Variants in DNAH9 observed in about 807,000 individuals in gnomAD.
DNAH9 encodes the protein DNAH9 variant protein.
A neutral mutation model predicts 471.6 loss-of-function variants in DNAH9; 345 were observed. That is an observed-to-expected ratio of 0.73 (90% CI 0.67 to 0.80). The LOEUF is 0.80. DNAH9 is among the 30% of genes least tolerant of loss of function. The probability of loss-of-function intolerance (pLI) is 0.00; values close to 1 mark genes in which losing one functional copy is unlikely to be tolerated. For synonymous variants in DNAH9, 2,093 were observed against 2,123.6 expected, an observed-to-expected ratio of 0.99 and a Z score of 0.40; for missense variants, 5,407 against 5,609.2, an observed-to-expected ratio of 0.96 and a Z score of 1.15.
chr17:11,763,309 G>GT (rs1268199350), intron 35 of DNAH9, 131 bp from the exon 36 acceptor site: 5 of 772,144 alleles, frequency 6.5e-6, no homozygotes, highest in Non-Finnish European at 1.1e-5. Context: ...TGGCGCTCTG[G>GT]TTGTCTGTAA....
chr17:11,799,796 G>T (rs901824244), intron 43 of DNAH9, among the ~76,000 whole-genome samples: 1 of 152,116 alleles, frequency 6.6e-6, no homozygotes, highest in African/African-American at 2.4e-5. Flanking sequence ...TGTTGGCCAG[G>T]CTGGTCTCAA....
intron 40 of DNAH9, among the ~76,000 whole-genome samples, chr17:11,783,997 G>C (rs947457094): frequency 6.6e-6 from 1 of 152,088 alleles, no homozygotes; most frequent in African/African-American, 2.4e-5. Context: ...TCAGAGAGAT[G>C]AATGACTTTC....
chr17:11,874,901 A>G, intron 52 of DNAH9, 48 bp from the exon 53 acceptor site: 5 of 1,389,138 alleles, frequency 3.6e-6, no homozygotes, highest in Non-Finnish European at 5.1e-6. Context: ...CCCAGCTGAG[A>G]ATGTCTGCTT....
intron 66 of DNAH9, among the ~76,000 whole-genome samples, chr17:11,939,818 G>GGATGGATGGATA (rs755610335): frequency 1.6e-3 from 235 of 151,596 alleles, no homozygotes; most frequent in Middle Eastern, 6.8e-3. Flanking sequence ...ATGGATGGAT[G>GGATGGATGGATA]GATGGATGGA....
intron 17 of DNAH9, among the ~76,000 whole-genome samples, chr17:11,675,513 C>T (rs1361433151): frequency 6.6e-6 from 1 of 152,104 alleles, no homozygotes; most frequent in Non-Finnish European, 1.5e-5. Flanking sequence ...TTTGTCTTGT[C>T]TCTGATCTTA....
chr17:11,960,689 G>A (rs146804695), intron 67 of DNAH9, among the ~76,000 whole-genome samples: 6 of 151,678 alleles, frequency 4.0e-5, no homozygotes, highest in Non-Finnish European at 8.8e-5. Context: ...AACCCGGGAG[G>A]CGGAGGTTGC....
chr17:11,733,725 G>T (rs988644483), intron 28 of DNAH9, among the ~76,000 whole-genome samples: 1 of 152,018 alleles, frequency 6.6e-6, no homozygotes, highest in East Asian at 1.9e-4. Context: ...AGGCATGGTG[G>T]TGGGAGCCTG....
At chr17:11,697,779 A>G (rs1051288557) in intron 22 of DNAH9, among the ~76,000 whole-genome samples, 1 of 151,798 alleles carries the variant, frequency 6.6e-6, no homozygotes, top group Non-Finnish European at 1.5e-5. Context: ...CTTCCACCAT[A>G]TTTAATTTTT....
chr17:11,799,437 G>A (rs1249168863), intron 43 of DNAH9, among the ~76,000 whole-genome samples: 1 of 152,146 alleles, frequency 6.6e-6, no homozygotes, highest in Non-Finnish European at 1.5e-5. Flanking sequence ...CGTGATCTCA[G>A]CTCCTTGCAA....
chr17:11,942,768 A>G (rs942291571), intron 67 of DNAH9, among the ~76,000 whole-genome samples: 1 of 152,182 alleles, frequency 6.6e-6, no homozygotes, highest in Non-Finnish European at 1.5e-5. Context: ...TCACCTTGAG[A>G]TGATGTAAAG....
chr17:11,667,731 G>C (rs1341421292), intron 15 of DNAH9, among the ~76,000 whole-genome samples: 1 of 152,180 alleles, frequency 6.6e-6, no homozygotes, highest in African/African-American at 2.4e-5. Flanking sequence ...GCCATGTCCA[G>C]GCTCTAGTCT....
At chr17:11,934,281 C>T (rs564842870) in intron 65 of DNAH9, among the ~76,000 whole-genome samples, 4 of 152,032 alleles carry the variant, frequency 2.6e-5, no homozygotes, top group Non-Finnish European at 5.9e-5. Flanking sequence ...TTGAGAGATA[C>T]GGGATTTCTA....
At chr17:11,630,679 C>T (rs949652710) in intron 7 of DNAH9, among the ~76,000 whole-genome samples, 1 of 152,036 alleles carries the variant, frequency 6.6e-6, no homozygotes, top group Non-Finnish European at 1.5e-5. Context: ...CAAACCTGCA[C>T]GTTCTGCACA....
rs149476955 is a variant in DNAH9, at chr17:11,744,832, C to T, written c.6147C>T (p.Ser2049=). 6.9e-5 allele frequency: 111 copies of T among 1,614,016 alleles called. No homozygotes were observed. The African/African-American group carries it at 1.3e-3, about 19-fold the overall frequency. ...ACTGGGGCCTACGGGCCATCAAGTC[C>T]GTGCTGGTGGTGGCAGGATCCCTGA... ...HYDWGLRAIK[S]VLVVAGSLKR... is the part of the protein sequence containing the mutation. Residue 2049 remains serine, a synonymous_variant, in exon 31 of 69, where the codon TCC becomes TCT. Coordinates refer to ENST00000262442, the MANE Select transcript of DNAH9 (RefSeq NM_001372.4).
At chr17:11,648,637 C>A (rs915720893) in intron 12 of DNAH9, among the ~76,000 whole-genome samples, 1 of 151,628 alleles carries the variant, frequency 6.6e-6, no homozygotes, top group Non-Finnish European at 1.5e-5. Context: ...ACACATAGGG[C>A]ACACTTTATA....
At chr17:11,625,192 AC>A (rs912890056) in intron 6 of DNAH9, among the ~76,000 whole-genome samples, 1 of 152,212 alleles carries the variant, frequency 6.6e-6, no homozygotes, top group African/African-American at 2.4e-5. Context: ...TGCAGTAAGC[AC>A]CTTGGCGAGA....
intron 13 of DNAH9, among the ~76,000 whole-genome samples, chr17:11,651,537 C>T (rs1252159760): frequency 1.3e-5 from 2 of 151,902 alleles, no homozygotes; most frequent in South Asian, 2.1e-4. Context: ...TTTAGAAAAC[C>T]TTGTTGCCAT....
chr17:11,870,509 G>C (rs537477701), intron 51 of DNAH9, among the ~76,000 whole-genome samples: 1 of 152,284 alleles, frequency 6.6e-6, no homozygotes, highest in African/African-American at 2.4e-5. Flanking sequence ...TCACTGAATG[G>C]AGCTGTGATG....
chr17:11,756,680 C>T lies in DNAH9; in HGVS notation c.6847+4C>T, dbSNP rs199767323. ...CCAGCAACTGTCTCTAGAGCAGGTA[C>T]GGCCCAAGAAGGGAAGAACCACAAA... On this transcript the variant is annotated splice_donor_region_variant and intron_variant, in intron 34 of 68. Coordinates refer to ENST00000262442, the MANE Select transcript of DNAH9 (RefSeq NM_001372.4). The T allele has an allele frequency of 2.5e-5, 39 of 1,583,212 alleles. No homozygotes were observed. Among genetic ancestry groups the T allele is most frequent in the African/African-American group, 9.4e-5 (7 of 74,390 alleles).
Sources: gnomAD v4.1 joint callset for allele counts (sites outside exome capture counted in the v4.1 genomes callset) on GRCh38, gnomAD v4.1.1 for gene constraint, MANE v1.5 for transcripts, NCBI Gene and HGNC (gene_info 2026-07-23, HGNC 2026-07-21) for gene names.